The following RANBP2 variants were observed in gnomAD, a reference collection of about 807,000 sequenced individuals.
The protein encoded by RANBP2 is RAN binding protein 2, also known as E3 SUMO-protein ligase RanBP2.
A neutral mutation model predicts 303.6 loss-of-function variants in RANBP2; 57 were observed. That is an observed-to-expected ratio of 0.19 (90% confidence interval 0.15 to 0.23). The LOEUF (loss-of-function observed/expected upper bound fraction) is 0.23, where lower values mean the gene tolerates loss of function less well. Among genes scored for constraint, RANBP2 ranks in the 10% least tolerant of loss-of-function variants. The pLI is 1.00. For synonymous variants in RANBP2, 1,167 were observed against 1,301.5 expected, an observed-to-expected ratio of 0.90 and a Z score of 2.23; for missense variants, 3,138 against 3,780.8, an observed-to-expected ratio of 0.83 and a Z score of 4.46.
chr2:109,615,371 G>C, the RANBP2 span: 1 of 1,612,982 alleles, frequency 6.2e-7, no homozygotes, highest in Non-Finnish European at 8.5e-7. Context: ...CCGGCCTGCT[G>C]GTCAAGCGGG....
the RANBP2 span, among the ~76,000 whole-genome samples, chr2:109,720,327 G>A: frequency 6.6e-6 from 1 of 151,264 alleles, no homozygotes. Flanking sequence ...CAGTGACACA[G>A]CATCACCGTG....
chr2:109,726,058 G>GGTGTGTGTGTGT, the RANBP2 span, among the ~76,000 whole-genome samples: 1,226 of 137,024 alleles, frequency 8.9e-3, 15 homozygotes, highest in East Asian at 0.032. Flanking sequence ...TTTTGCTTTT[G>GGTGTGTGTGTGT]GTGTGTGTGT....
chr2:108,761,544 C>T (rs548976338), intron 18 of RANBP2, among the ~76,000 whole-genome samples: 1 of 152,290 alleles, frequency 6.6e-6, no homozygotes, highest in South Asian at 2.1e-4. Context: ...GTTTGTACAT[C>T]AGCATGAGTG....
At chr2:108,943,450 C>T in the RANBP2 span, among the ~76,000 whole-genome samples, 1 of 152,198 alleles carries the variant, frequency 6.6e-6, no homozygotes, top group Non-Finnish European at 1.5e-5. Context: ...GTATTCATCT[C>T]TCTACCCTGT....
At chr2:109,244,677 T>C in the RANBP2 span, among the ~76,000 whole-genome samples, 48 of 152,176 alleles carry the variant, frequency 3.2e-4, no homozygotes, top group South Asian at 2.7e-3. Flanking sequence ...GGAGGAAATA[T>C]GGAGATGGTA....
downstream of RANBP2, among the ~76,000 whole-genome samples, chr2:108,785,980 T>G (rs192329764): frequency 1.9e-3 from 288 of 152,266 alleles, 4 homozygotes; most frequent in Admixed American, 0.017. Context: ...AAGTAAAAGA[T>G]TACACCACTG....
At chr2:109,718,400 A>G in the RANBP2 span, among the ~76,000 whole-genome samples, 27 of 152,374 alleles carry the variant, frequency 1.8e-4, no homozygotes, top group African/African-American at 6.0e-4. Context: ...GGAATGAAGT[A>G]CTAATACATG....
the RANBP2 span, among the ~76,000 whole-genome samples, chr2:108,889,711 A>G: frequency 6.6e-6 from 1 of 152,160 alleles, no homozygotes; most frequent in African/African-American, 2.4e-5. Context: ...TAAGAGGCGT[A>G]TAGTTAGATC....
the RANBP2 span, chr2:109,593,050 C>G: frequency 1.9e-6 from 3 of 1,580,896 alleles, no homozygotes; most frequent in Non-Finnish European, 2.6e-6. Flanking sequence ...GACATACTCA[C>G]TATCTGTTCA....
At chr2:109,053,284 G>A in the RANBP2 span, among the ~76,000 whole-genome samples, 19 of 152,356 alleles carry the variant, frequency 1.2e-4, no homozygotes, top group African/African-American at 4.6e-4. Context: ...CAAGAGAGAC[G>A]AAAATGACAT....
the RANBP2 span, chr2:108,812,538 A>G: frequency 5.6e-6 from 5 of 886,234 alleles, no homozygotes; most frequent in Admixed American, 8.3e-5. Flanking sequence ...TTGGTTAGTA[A>G]TATCAACCAG....
chr2:109,282,610 C>T, the RANBP2 span, among the ~76,000 whole-genome samples: 1 of 152,226 alleles, frequency 6.6e-6, no homozygotes, highest in Non-Finnish European at 1.5e-5. Context: ...CCAATGCACG[C>T]ACTCCACCTC....
the RANBP2 span, among the ~76,000 whole-genome samples, chr2:109,096,511 G>C: frequency 2.0e-5 from 3 of 152,150 alleles, no homozygotes; most frequent in African/African-American, 7.2e-5. Context: ...CTCTTGAGAA[G>C]ATGGTTTTAT....
the RANBP2 span, among the ~76,000 whole-genome samples, chr2:109,423,431 C>T: frequency 6.6e-6 from 1 of 152,178 alleles, no homozygotes; most frequent in Non-Finnish European, 1.5e-5. Flanking sequence ...CCAAACCATC[C>T]TCAATAACAA....
the RANBP2 span, among the ~76,000 whole-genome samples, chr2:109,046,188 C>T: frequency 4.0e-5 from 6 of 151,104 alleles, no homozygotes; most frequent in South Asian, 2.1e-4. Context: ...CCTGTAGTCC[C>T]AGCTACTCGG....
chr2:109,597,553 A>T, the RANBP2 span, among the ~76,000 whole-genome samples: 1 of 150,826 alleles, frequency 6.6e-6, no homozygotes, highest in Non-Finnish European at 1.5e-5. Flanking sequence ...AAGGAGACTA[A>T]CCATCTCAAA....
chr2:109,191,116 A>G, the RANBP2 span, among the ~76,000 whole-genome samples: 2 of 152,130 alleles, frequency 1.3e-5, no homozygotes, highest in Non-Finnish European at 2.9e-5. Context: ...GATTGGAGAG[A>G]GATCCAGAGG....
chr2:109,457,205 G>A, the RANBP2 span, among the ~76,000 whole-genome samples: 1 of 152,156 alleles, frequency 6.6e-6, no homozygotes, highest in African/African-American at 2.4e-5. Context: ...AAAAGTATTA[G>A]AAATTATTAT....
the RANBP2 span, among the ~76,000 whole-genome samples, chr2:109,132,250 T>C: frequency 6.6e-6 from 1 of 152,210 alleles, no homozygotes; most frequent in East Asian, 1.9e-4. Flanking sequence ...AATTAGGGTA[T>C]GTATACTTTT....
Sources: allele counts gnomAD v4.1 joint callset (sites outside exome capture counted in the v4.1 genomes callset), GRCh38; gene constraint gnomAD v4.1.1; transcripts MANE v1.5; gene names NCBI Gene and HGNC (gene_info 2026-07-23, HGNC 2026-07-21).